Variants in TMEM45B observed in about 807,000 individuals in gnomAD.
TMEM45B encodes transmembrane protein 45B.
Under a neutral mutation model 27.3 loss-of-function variants are expected in TMEM45B, and 29 were observed. The observed-to-expected ratio is 1.06, with a 90% confidence interval of 0.79 to 1.45. TMEM45B has a LOEUF of 1.45. TMEM45B is among the 40% of genes most tolerant of loss of function. The probability of loss-of-function intolerance (pLI) is 0.00; values close to 1 mark genes in which losing one functional copy is unlikely to be tolerated. For missense variants in TMEM45B, 348 were observed against 343.9 expected, an observed-to-expected ratio of 1.01 and a Z score of -0.09; for synonymous variants, 143 against 134.7, an observed-to-expected ratio of 1.06 and a Z score of -0.43.
intron 1 of TMEM45B, among the ~76,000 whole-genome samples, chr11:129,847,668 G>A (rs1004954185): frequency 1.3e-5 from 2 of 151,782 alleles, no homozygotes. Context: ...ACCCTGAGTG[G>A]ACACAGCACA....
At chr11:129,839,089 A>G (rs1947659112) in intron 1 of TMEM45B, among the ~76,000 whole-genome samples, 2 of 152,028 alleles carry the variant, frequency 1.3e-5, no homozygotes, top group African/African-American at 4.8e-5. Context: ...CTTCTACCTT[A>G]TCTTCTATTT....
At chr11:129,847,346 G>A (rs1042878747) in intron 1 of TMEM45B, among the ~76,000 whole-genome samples, 2 of 152,100 alleles carry the variant, frequency 1.3e-5, no homozygotes, top group African/African-American at 2.4e-5. Flanking sequence ...TTCACTATAA[G>A]TCTTTCATAC....
intron 1 of TMEM45B, among the ~76,000 whole-genome samples, chr11:129,822,891 A>G (rs1947436782): frequency 7.1e-6 from 1 of 141,666 alleles, no homozygotes; most frequent in African/African-American, 2.7e-5. Context: ...CCCAGGCTGG[A>G]GTGCAGTGGC....
At chr11:129,827,536 G>GT (rs148765354) in intron 1 of TMEM45B, among the ~76,000 whole-genome samples, 49,153 of 151,870 alleles carry the variant, frequency 0.32, 8,521 homozygotes, top group East Asian at 0.48. Flanking sequence ...AGGCGCAGTG[G>GT]CTCACACCTA....
intron 1 of TMEM45B, among the ~76,000 whole-genome samples, chr11:129,817,896 A>G (rs532458891): frequency 5.9e-5 from 9 of 152,192 alleles, no homozygotes; most frequent in Non-Finnish European, 8.8e-5. Flanking sequence ...CCACACATAG[A>G]GTCACTCCCC....
intron 1 of TMEM45B, among the ~76,000 whole-genome samples, chr11:129,828,443 G>C (rs1416415532): frequency 6.6e-6 from 1 of 152,134 alleles, no homozygotes; most frequent in Non-Finnish European, 1.5e-5. Context: ...GACCTCCTCA[G>C]GCCCCTGAGC....
chr11:129,845,271 A>G (rs201528937), intron 1 of TMEM45B, among the ~76,000 whole-genome samples: 23 of 140,402 alleles, frequency 1.6e-4, no homozygotes, highest in African/African-American at 2.0e-4. Context: ...GTGTGTGTGT[A>G]TGTGTGTGTG....
chr11:129,843,426 G>GTA (rs1406248391), intron 1 of TMEM45B, among the ~76,000 whole-genome samples: 1 of 152,116 alleles, frequency 6.6e-6, no homozygotes, highest in Non-Finnish European at 1.5e-5. Flanking sequence ...ATGTTCTAAT[G>GTA]TATACAATGC....
At chr11:129,842,505 T>G (rs1947708333) in intron 1 of TMEM45B, among the ~76,000 whole-genome samples, 1 of 152,198 alleles carries the variant, frequency 6.6e-6, no homozygotes, top group Admixed American at 6.5e-5. Context: ...TAAGGTTAAC[T>G]AATCTTCTAC....
intron 4 of TMEM45B, among the ~76,000 whole-genome samples, chr11:129,856,491 G>A (rs772463853): frequency 1.3e-5 from 2 of 151,578 alleles, no homozygotes; most frequent in African/African-American, 4.8e-5. Flanking sequence ...GATTATAGGC[G>A]TGAGCCACTG....
chr11:129,848,936 G>A lies in TMEM45B; in HGVS notation c.-8-3539G>A, dbSNP rs148127526. ...CCATCCACAAGGGAGGAACCTTCATGGCTTAATCAGCTCTTAAAGGCCCCA... is the reference window on the plus strand; with the variant it reads ...CCATCCACAAGGGAGGAACCTTCATAGCTTAATCAGCTCTTAAAGGCCCCA... On this transcript the variant is annotated intron_variant, in intron 1 of 5. Coordinates refer to ENST00000281441, the MANE Select transcript of TMEM45B (RefSeq NM_138788.5). 3.3e-5 allele frequency among the ~76,000 whole-genome samples: 5 copies of A among 152,212 alleles called. No homozygotes were observed. In the East Asian group the frequency reaches 5.8e-4, roughly 18 times the overall value.
At chr11:129,846,208 C>T (rs1486967785) in intron 1 of TMEM45B, among the ~76,000 whole-genome samples, 1 of 152,196 alleles carries the variant, frequency 6.6e-6, no homozygotes, top group East Asian at 1.9e-4. Flanking sequence ...TGGCTCACGC[C>T]TGTAATCCCA....
chr11:129,825,369 T>C (rs1947465892), intron 1 of TMEM45B, among the ~76,000 whole-genome samples: 1 of 152,012 alleles, frequency 6.6e-6, no homozygotes, highest in Admixed American at 6.6e-5. Context: ...TTAACTAAGT[T>C]TGGGATATGA....
chr11:129,824,403 G>T (rs1947455252), intron 1 of TMEM45B, among the ~76,000 whole-genome samples: 1 of 152,022 alleles, frequency 6.6e-6, no homozygotes, highest in South Asian at 2.1e-4. Context: ...GAATCTTTAG[G>T]TGAAATTGAT....
At chr11:129,827,537 C>T (rs61916115) in intron 1 of TMEM45B, among the ~76,000 whole-genome samples, 49,159 of 151,868 alleles carry the variant, frequency 0.32, 8,523 homozygotes, top group East Asian at 0.48. Flanking sequence ...GGCGCAGTGG[C>T]TCACACCTAT....
chr11:129,840,573 G>A (rs920325758), intron 1 of TMEM45B, among the ~76,000 whole-genome samples: 10 of 152,100 alleles, frequency 6.6e-5, no homozygotes, highest in Non-Finnish European at 1.3e-4. Context: ...AATTTTTTAT[G>A]TTCAAAGGAG....
chr11:129,850,268 G>A (rs1456491675), intron 1 of TMEM45B: 4 of 152,148 alleles, frequency 2.6e-5, no homozygotes, highest in South Asian at 2.1e-4. Context: ...GGGTTCAAGC[G>A]ATTCTCCTGC....
chr11:129,833,715 C>A (rs978530038), intron 1 of TMEM45B, among the ~76,000 whole-genome samples: 2 of 152,118 alleles, frequency 1.3e-5, no homozygotes, highest in Non-Finnish European at 2.9e-5. Flanking sequence ...GCGGAGGTTG[C>A]AGTGAGCCGA....
At chr11:129,841,886 C>T (rs1947700513) in intron 1 of TMEM45B, among the ~76,000 whole-genome samples, 1 of 152,158 alleles carries the variant, frequency 6.6e-6, no homozygotes, top group African/African-American at 2.4e-5. Context: ...GCATGAGCCA[C>T]TGCGCCCGGC....
Sources: gnomAD v4.1 joint callset for allele counts (sites outside exome capture counted in the v4.1 genomes callset) on GRCh38, gnomAD v4.1.1 for gene constraint, MANE v1.5 for transcripts, NCBI Gene and HGNC (gene_info 2026-07-23, HGNC 2026-07-21) for gene names.